FBXO31: variants seen among roughly 807,000 people sequenced by gnomAD.
FBXO31 encodes F-box protein 31.
A neutral mutation model predicts 54.4 loss-of-function variants in FBXO31; 24 were observed. The ratio of observed to expected loss-of-function variants is 0.44; its 90% CI spans 0.32 to 0.62. FBXO31 has a LOEUF of 0.62. FBXO31 is among the 20% of genes least tolerant of loss of function. The pLI, the probability that FBXO31 is intolerant of heterozygous loss-of-function variation, is 0.05. For missense variants in FBXO31, 665 were observed against 787.1 expected (o/e 0.84, Z 1.86); for synonymous variants, 388 against 335.6 (o/e 1.16, Z -1.71).
intron 3 of FBXO31, among the ~76,000 whole-genome samples, chr16:87,344,904 T>C (rs1905315198): frequency 8.0e-6 from 1 of 124,712 alleles, no homozygotes; most frequent in Non-Finnish European, 1.7e-5. Flanking sequence ...GCAGCGCCCA[T>C]CCCTTCCCCA....
Position 87,332,505 on chromosome 16 carries a change from T to A in FBXO31, c.1398-995A>T, listed in dbSNP as rs138223007. 2.4e-3 allele frequency among the ~76,000 whole-genome samples: 361 copies of A among 152,346 alleles called. 2 individuals are homozygous for A. The highest frequency in any genetic ancestry group is 8.4e-3 in the African/African-American group (350 of 41,574). On this transcript the variant is annotated intron_variant, in intron 8 of 8. Coordinates refer to ENST00000311635, the MANE Select transcript of FBXO31 (RefSeq NM_024735.5). The stretch of plus-strand genomic sequence containing the variant: ...AGGGTAACAGAGCTTTTTCCTTTTT[T>A]AGCTATTCAAACATTTATATTAGCG...
rs918139818 is a variant in FBXO31, at chr16:87,346,942, C to T, written c.489+232G>A. Reference sequence around the variant, plus strand: ...GCCCTCACAAGCCACCCCCTCAGACCAGAGAGTCCAAGGACGGGCCACAAG... The same window carrying T: ...GCCCTCACAAGCCACCCCCTCAGACTAGAGAGTCCAAGGACGGGCCACAAG... On this transcript the variant is annotated intron_variant, in intron 3 of 8. Transcript: ENST00000311635. This position sits in a 1 kb window ranked among gnomAD's most constrained non-coding sequence, Gnocchi z 4.2. 6.6e-6 allele frequency among the ~76,000 whole-genome samples: 1 copy of T among 152,230 alleles called. No individual in the cohort carries two copies. The highest frequency in any genetic ancestry group is 1.5e-5 in the Non-Finnish European group (1 of 68,040).
chr16:87,346,363 C>T lies in FBXO31; in HGVS notation c.489+811G>A, dbSNP rs1403919631. Among the ~76,000 whole-genome samples the T allele has an allele frequency of 6.6e-6, 1 of 152,046 alleles. No individual in the cohort carries two copies. Among genetic ancestry groups the T allele is most frequent in the South Asian group, 2.1e-4 (1 of 4,822 alleles). On this transcript the variant is annotated intron_variant, in intron 3 of 8. Transcript: ENST00000311635. The surrounding 1 kb of genome is among the most constrained non-coding windows in gnomAD (Gnocchi z 4.2). Reference sequence around the variant, plus strand: ...CACGCCTGGAGATCAGGAGAAAAGGCGGGGGCTAGACTCGAAAGAAACTTT... The same window carrying T: ...CACGCCTGGAGATCAGGAGAAAAGGTGGGGGCTAGACTCGAAAGAAACTTT...
intron 2 of FBXO31, among the ~76,000 whole-genome samples, chr16:87,352,342 A>G (rs753381111): frequency 6.6e-6 from 1 of 152,220 alleles, no homozygotes; most frequent in Non-Finnish European, 1.5e-5. Flanking sequence ...TGAGAATGTG[A>G]ATAAGGACAT....
chr16:87,344,848 C>T (rs1213162324), intron 3 of FBXO31, among the ~76,000 whole-genome samples: 1 of 152,138 alleles, frequency 6.6e-6, no homozygotes, highest in Admixed American at 6.5e-5. Flanking sequence ...CAGATGAAAA[C>T]CCCACCTGGG....
Position 87,343,594 on chromosome 16 carries a change from A to T in FBXO31, c.657+4T>A, listed in dbSNP as rs1172788149. The T allele has an allele frequency of 6.2e-7, 1 of 1,603,658 alleles. No individual in the cohort carries two copies. The highest frequency in any genetic ancestry group is 1.7e-5 in the Admixed American group (1 of 58,346). On this transcript the variant is annotated splice_donor_region_variant and intron_variant, in intron 4 of 8. Transcript: ENST00000311635. Reference sequence around the variant, plus strand: ...TGAGGACCCAGCCCCGCCGCTGCACACACCTGGATGTGGCCGTGGTGGGGC... The same window carrying T: ...TGAGGACCCAGCCCCGCCGCTGCACTCACCTGGATGTGGCCGTGGTGGGGC...
intron 1 of FBXO31, among the ~76,000 whole-genome samples, chr16:87,380,386 G>C (rs954304869): frequency 5.5e-4 from 84 of 151,904 alleles, no homozygotes; most frequent in African/African-American, 2.0e-3. Context: ...AAATATGCCT[G>C]GTTCATCATT....
chr16:87,380,072 G>T (rs1907007900), intron 1 of FBXO31, among the ~76,000 whole-genome samples: 1 of 150,438 alleles, frequency 6.6e-6, no homozygotes, highest in African/African-American at 2.4e-5. Flanking sequence ...GGCCGAGGCA[G>T]GCAGATCACA....
At chr16:87,344,960 G>T (rs568693020) in intron 3 of FBXO31, among the ~76,000 whole-genome samples, 13 of 144,902 alleles carry the variant, frequency 9.0e-5, no homozygotes, top group Non-Finnish European at 1.4e-4. Context: ...AACCCCACCT[G>T]GGGGCAGAGC....
chr16:87,383,876 G>C (rs1907214760), upstream of FBXO31: 2 of 627,640 alleles, frequency 3.2e-6, no homozygotes, highest in Non-Finnish European at 4.2e-6. This position sits in a 1 kb window ranked among gnomAD's most constrained non-coding sequence, Gnocchi z 4.9. Context: ...CCCCTACGTA[G>C]AGCTCCGCCC....
intron 1 of FBXO31, among the ~76,000 whole-genome samples, chr16:87,361,899 TAGA>T (rs1035718727): frequency 1.5e-4 from 23 of 152,224 alleles, no homozygotes; most frequent in African/African-American, 5.3e-4. Context: ...TCAAGGCTCC[TAGA>T]AGGCCTGTGT....
At position 87,346,254 on chromosome 16, in the gene FBXO31, G is replaced by C. The variant is rs1249513610; in HGVS notation, c.489+920C>G. 6.6e-6 allele frequency among the ~76,000 whole-genome samples: 1 copy of C among 152,006 alleles called. No individual in the cohort carries two copies. The highest frequency in any genetic ancestry group is 1.5e-5 in the Non-Finnish European group (1 of 67,984). ...TGCCCTGACTCCACTTTGCCCGCAG[G>C]CCGGGGCCAGGGCCTCTTGAGGAGA... is the stretch of plus-strand genomic sequence containing the variant. On this transcript the variant is annotated intron_variant, in intron 3 of 8. Coordinates refer to ENST00000311635, the MANE Select transcript of FBXO31 (RefSeq NM_024735.5). This position sits in a 1 kb window ranked among gnomAD's most constrained non-coding sequence, Gnocchi z 4.2.
At chr16:87,367,967 G>A (rs923368209) in intron 1 of FBXO31, 15 of 152,150 alleles carry the variant, frequency 9.9e-5, no homozygotes, top group Admixed American at 9.8e-4. Context: ...AATGCACGTA[G>A]CCTTTTATTA....
chr16:87,341,926 C>T (rs897391447), intron 5 of FBXO31, among the ~76,000 whole-genome samples: 1 of 151,718 alleles, frequency 6.6e-6, no homozygotes, highest in African/African-American at 2.4e-5. Context: ...GAAAAGCACA[C>T]CCTGGCCGCG....
intron 5 of FBXO31, among the ~76,000 whole-genome samples, chr16:87,339,606 C>A (rs1481754533): frequency 6.6e-6 from 1 of 152,218 alleles, no homozygotes; most frequent in Non-Finnish European, 1.5e-5. Context: ...ACCCTGTCAA[C>A]TCCCGGAGGG....
rs187498346 is a variant in FBXO31, at chr16:87,358,396, G to A, written c.412+1899C>T. ...CTGGCTGCCGCAGAAGCCAAAGCTC[G>A]CAGGAGGTACATACGGCAGGTGTAA... is the stretch of plus-strand genomic sequence containing the variant. On this transcript the variant is annotated intron_variant, in intron 2 of 8. Coordinates refer to ENST00000311635, the MANE Select transcript of FBXO31 (RefSeq NM_024735.5). The surrounding 1 kb of genome is among the most constrained non-coding windows in gnomAD (Gnocchi z 4.0). 1.7e-3 allele frequency: 263 copies of A among 152,826 alleles called. No homozygotes were observed. The highest frequency in any genetic ancestry group is 6.7e-3 in the East Asian group (35 of 5,190). The allele number at this position is 152,826 out of a possible 1,614,324, so 9.5% of individuals were successfully genotyped here. A position where few individuals can be genotyped will look rare whatever the true frequency, so the allele number is the denominator to read the frequency against.
intron 2 of FBXO31, among the ~76,000 whole-genome samples, chr16:87,354,616 T>G (rs1207982585): frequency 1.3e-5 from 2 of 151,920 alleles, no homozygotes; most frequent in African/African-American, 4.8e-5. Context: ...CCAGGCAACC[T>G]CATGCACCCA....
rs891199486 is a variant in FBXO31, at chr16:87,338,424, C to A, written c.733-2160G>T. The stretch of plus-strand genomic sequence containing the variant: ...CATGGCCCATCCTCCCTTCTCTGCT[C>A]CTTTCACAGGTCTGAGATTTCCAAA... On this transcript the variant is annotated intron_variant, in intron 5 of 8. Transcript: ENST00000311635. The surrounding 1 kb of genome is among the most constrained non-coding windows in gnomAD (Gnocchi z 4.3). Among the ~76,000 whole-genome samples the A allele has an allele frequency of 6.7e-6, 1 of 148,234 alleles. No individual in the cohort carries two copies. The highest frequency in any genetic ancestry group is 1.5e-5 in the Non-Finnish European group (1 of 66,990).
chr16:87,376,923 C>A, intron 1 of FBXO31, among the ~76,000 whole-genome samples: 1 of 152,158 alleles, frequency 6.6e-6, no homozygotes, highest in Non-Finnish European at 1.5e-5. Flanking sequence ...ATCTCATATA[C>A]GACTATTCCT....
Sources: allele counts gnomAD v4.1 joint callset (sites outside exome capture counted in the v4.1 genomes callset), GRCh38; gene constraint gnomAD v4.1.1; non-coding constraint Gnocchi (gnomAD v3.1); transcripts MANE v1.5; gene names NCBI Gene and HGNC (gene_info 2026-07-23, HGNC 2026-07-21).